Variants in FAM107B observed in about 807,000 individuals in gnomAD.
FAM107B encodes the protein family with sequence similarity 107 member B.
Under a neutral mutation model 31.5 loss-of-function variants are expected in FAM107B, and 21 were observed. The ratio of observed to expected loss-of-function variants is 0.67; its 90% CI spans 0.47 to 0.96. The LOEUF is 0.96. Ranked by LOEUF, FAM107B falls within the 40% of genes least tolerant of loss-of-function variation. The pLI, the probability that FAM107B is intolerant of heterozygous loss-of-function variation, is 0.00. For synonymous variants in FAM107B, 157 were observed against 141.5 expected (o/e 1.11, Z -0.78); for missense variants, 452 against 377.1 (o/e 1.20, Z -1.64).
At chr10:14,575,881 T>C (rs1319924593) in intron 2 of FAM107B, among the ~76,000 whole-genome samples, 1 of 152,188 alleles carries the variant, frequency 6.6e-6, no homozygotes, top group Non-Finnish European at 1.5e-5. Flanking sequence ...GGTCTATCCA[T>C]ACAACACAGA....
At chr10:14,602,115 C>G (rs763717924) in intron 2 of FAM107B, among the ~76,000 whole-genome samples, 1 of 152,148 alleles carries the variant, frequency 6.6e-6, no homozygotes, top group Non-Finnish European at 1.5e-5. Flanking sequence ...AAACACATCA[C>G]GACTCCTGAA....
chr10:14,541,860 G>A (rs552797025), intron 2 of FAM107B, among the ~76,000 whole-genome samples: 1 of 152,276 alleles, frequency 6.6e-6, no homozygotes, highest in African/African-American at 2.4e-5. Flanking sequence ...CCGACTCCTT[G>A]TGCCTCTGGC....
intron 2 of FAM107B, among the ~76,000 whole-genome samples, chr10:14,574,525 G>T (rs910287456): frequency 1.3e-5 from 2 of 152,212 alleles, no homozygotes; most frequent in East Asian, 3.8e-4. Flanking sequence ...CCATGTGGCT[G>T]ATCACAACTG....
intron 2 of FAM107B, among the ~76,000 whole-genome samples, chr10:14,534,415 A>T (rs1013845433): frequency 1.9e-4 from 29 of 152,036 alleles, no homozygotes; most frequent in African/African-American, 6.8e-4. Flanking sequence ...CATCACTATG[A>T]CCTTCTTCAC....
chr10:14,537,635 C>T (rs547539847), intron 2 of FAM107B, among the ~76,000 whole-genome samples: 2 of 151,960 alleles, frequency 1.3e-5, no homozygotes, highest in African/African-American at 2.4e-5. Flanking sequence ...GTCCAGAGAT[C>T]GAGACCATCC....
At chr10:14,690,349 A>G (rs1855102270) in intron 1 of FAM107B, among the ~76,000 whole-genome samples, 1 of 151,964 alleles carries the variant, frequency 6.6e-6, no homozygotes, top group Non-Finnish European at 1.5e-5. Flanking sequence ...TCCTCCCCTC[A>G]TCCTTCTGGG....
At chr10:14,564,052 G>A (rs1588598543) in intron 2 of FAM107B, among the ~76,000 whole-genome samples, 1 of 151,852 alleles carries the variant, frequency 6.6e-6, no homozygotes. Context: ...TTATTTTTGA[G>A]TGAACTTTTA....
intron 2 of FAM107B, among the ~76,000 whole-genome samples, chr10:14,608,600 T>C (rs1229107590): frequency 6.6e-6 from 1 of 152,184 alleles, no homozygotes; most frequent in East Asian, 1.9e-4. Flanking sequence ...TCAGATCCAC[T>C]TGTATGGCCT....
chr10:14,762,755 C>G (rs1258001002), intron 1 of FAM107B, among the ~76,000 whole-genome samples: 1 of 20,120 alleles, frequency 5.0e-5, no homozygotes, highest in Non-Finnish European at 1.0e-4. Context: ...AACTCTGTCT[C>G]ACACACACAC....
intron 2 of FAM107B, among the ~76,000 whole-genome samples, chr10:14,556,746 C>T (rs995978878): frequency 3.3e-5 from 5 of 152,356 alleles, no homozygotes; most frequent in East Asian, 1.9e-4. Context: ...CCCAGGTTTT[C>T]GTTATTGAAT....
chr10:14,567,648 C>T (rs1371570247), intron 2 of FAM107B, among the ~76,000 whole-genome samples: 1 of 152,124 alleles, frequency 6.6e-6, no homozygotes, highest in African/African-American at 2.4e-5. Flanking sequence ...AGTGCGTTGA[C>T]AAGCGCATCG....
intron 1 of FAM107B, among the ~76,000 whole-genome samples, chr10:14,704,556 G>C (rs560053663): frequency 2.0e-5 from 3 of 152,344 alleles, no homozygotes; most frequent in South Asian, 2.1e-4. Context: ...CAAAGTTCAA[G>C]ATGGTTAAAA....
intron 2 of FAM107B, among the ~76,000 whole-genome samples, chr10:14,615,964 G>A (rs971762618): frequency 1.3e-5 from 2 of 151,924 alleles, no homozygotes; most frequent in South Asian, 2.1e-4. Context: ...TAAATATGAC[G>A]GAATTACTTA....
At chr10:14,757,446 C>G (rs1020455114) in intron 1 of FAM107B, among the ~76,000 whole-genome samples, 1 of 152,246 alleles carries the variant, frequency 6.6e-6, no homozygotes, top group South Asian at 2.1e-4. Context: ...GTATCTCTCT[C>G]TCTCTCTGTT....
Position 14,666,633 on chromosome 10 carries a change from G to A in FAM107B, c.469+1001C>T, listed in dbSNP as rs141923012. Among the ~76,000 whole-genome samples, 11 of 152,280 alleles carry A rather than the reference G, an allele frequency of 7.2e-5. No individual in the cohort carries two copies. The East Asian group carries it at 1.2e-3, about 16-fold the overall frequency. On this transcript the variant is annotated intron_variant, in intron 2 of 4. Transcript: ENST00000181796. ...GAAGAATGCCAAGATGGTTGGGAACGTTTTCTCTGGGACAGGACATTTGAA... is the reference window on the plus strand; with the variant it reads ...GAAGAATGCCAAGATGGTTGGGAACATTTTCTCTGGGACAGGACATTTGAA...
chr10:14,527,763 T>G (rs924350214), intron 3 of FAM107B, among the ~76,000 whole-genome samples: 1 of 152,234 alleles, frequency 6.6e-6, no homozygotes, highest in Non-Finnish European at 1.5e-5. Context: ...GACTGGTTAT[T>G]CATTAACCAA....
At chr10:14,602,943 T>C (rs1269125649) in intron 2 of FAM107B, 1 of 152,010 alleles carries the variant, frequency 6.6e-6, no homozygotes, top group Non-Finnish European at 1.5e-5. Flanking sequence ...ATTAAATATA[T>C]TTTAGGCTGA....
chr10:14,678,371 T>C (rs1288698767), intron 1 of FAM107B, among the ~76,000 whole-genome samples: 1 of 152,206 alleles, frequency 6.6e-6, no homozygotes, highest in Non-Finnish European at 1.5e-5. Context: ...TTAAAGCTGT[T>C]TCCTGATTGT....
intron 1 of FAM107B, among the ~76,000 whole-genome samples, chr10:14,732,651 T>C (rs1014179170): frequency 1.3e-5 from 2 of 151,858 alleles, no homozygotes; most frequent in African/African-American, 4.8e-5. Context: ...CACAACAGAA[T>C]TCTTGCTGAT....
Sources: gnomAD v4.1 joint callset for allele counts (sites outside exome capture counted in the v4.1 genomes callset) on GRCh38, gnomAD v4.1.1 for gene constraint, MANE v1.5 for transcripts, NCBI Gene and HGNC (gene_info 2026-07-23, HGNC 2026-07-21) for gene names.